MAJIN: variants seen among roughly 807,000 people sequenced by gnomAD.
MAJIN encodes membrane-anchored junction protein.
A neutral mutation model predicts 30.2 loss-of-function variants in MAJIN; 27 were observed. The ratio of observed to expected loss-of-function variants is 0.89; its 90% CI spans 0.66 to 1.23. MAJIN has a LOEUF of 1.23. Among genes scored for constraint, MAJIN ranks in the 50% most tolerant of loss-of-function variants. The probability of loss-of-function intolerance (pLI) is 0.00; values close to 1 mark genes in which losing one functional copy is unlikely to be tolerated. For synonymous variants in MAJIN, 78 were observed against 91.6 expected, an observed-to-expected ratio of 0.85 and a Z score of 0.85; for missense variants, 253 against 260.3, an observed-to-expected ratio of 0.97 and a Z score of 0.19.
intron 2 of MAJIN, among the ~76,000 whole-genome samples, chr11:64,959,818 CAG>C (rs1945695422): frequency 6.6e-6 from 1 of 152,196 alleles, no homozygotes; most frequent in African/African-American, 2.4e-5. Flanking sequence ...TCAGTGGATA[CAG>C]AGAGGGCTCA....
At chr11:64,938,643 G>A (rs1007174695) in intron 10 of MAJIN, 70 bp from the exon 11 acceptor site, 11 of 1,482,686 alleles carry the variant, frequency 7.4e-6, no homozygotes, top group South Asian at 7.2e-5. Flanking sequence ...TTTCCCATTA[G>A]TGCTTCACTA....
intron 8 of MAJIN, among the ~76,000 whole-genome samples, chr11:64,941,853 A>C (rs117960951): frequency 3.4e-3 from 518 of 152,306 alleles, no homozygotes; most frequent in Non-Finnish European, 5.9e-3. Context: ...CAGTCACAGC[A>C]GGGCATTCCA....
chr11:64,938,775 G>T (rs1945326858), intron 10 of MAJIN, among the ~76,000 whole-genome samples: 1 of 152,178 alleles, frequency 6.6e-6, no homozygotes, highest in African/African-American at 2.4e-5. Flanking sequence ...ATTGCAATGG[G>T]ATGGCAGAGA....
At chr11:64,942,995 C>T (rs1034141230) in intron 8 of MAJIN, among the ~76,000 whole-genome samples, 1 of 152,096 alleles carries the variant, frequency 6.6e-6, no homozygotes, top group African/African-American at 2.4e-5. Context: ...GACACTGTAG[C>T]CTTTTTGTGA....
intron 8 of MAJIN, 77 bp from the exon 9 acceptor site, chr11:64,940,723 G>T: frequency 7.5e-7 from 1 of 1,341,050 alleles, no homozygotes; most frequent in South Asian, 1.2e-5. Flanking sequence ...ATTTGCTGGT[G>T]AACTGATTTC....
chr11:64,967,178 C>T (rs1945825126), intron 1 of MAJIN, among the ~76,000 whole-genome samples: 1 of 151,926 alleles, frequency 6.6e-6, no homozygotes, highest in South Asian at 2.1e-4. Flanking sequence ...GAGGCTGAGT[C>T]GGGCAGATCA....
rs1349906502 is a variant in MAJIN at position 64,949,723 on chromosome 11, A to G, written c.349+20T>C. On this transcript the variant is annotated intron_variant, in intron 6 of 10. Coordinates refer to ENST00000301896, the MANE Select transcript of MAJIN (RefSeq NM_001037225.3). ...AACCATTTTCTTCTCTGCCATCCAC[A>G]TTCACATCATTCCACTTACCAGGTG... is the stretch of plus-strand genomic sequence containing the variant. 1.2e-6 allele frequency: 2 copies of G among 1,611,422 alleles called. No homozygotes were observed. The highest frequency in any genetic ancestry group is 1.7e-5 in the Admixed American group (1 of 59,976).
intron 1 of MAJIN, among the ~76,000 whole-genome samples, chr11:64,963,763 G>A (rs868272062): frequency 1.8e-4 from 28 of 152,004 alleles, no homozygotes; most frequent in Non-Finnish European, 4.4e-5. Context: ...GCTTGAACCC[G>A]GGGAGGTGGA....
intron 1 of MAJIN, among the ~76,000 whole-genome samples, chr11:64,970,383 T>C (rs1263822194): frequency 2.3e-4 from 33 of 140,530 alleles, no homozygotes; most frequent in Admixed American, 4.9e-4. Flanking sequence ...TTTTTTTTTT[T>C]TGAGACGGAG....
rs1328639384 is a variant in MAJIN at position 64,947,825 on chromosome 11, A to G, written c.350-6T>C. On this transcript the variant is annotated splice_polypyrimidine_tract_variant and splice_region_variant and intron_variant, in intron 6 of 10. Coordinates refer to ENST00000301896, the MANE Select transcript of MAJIN (RefSeq NM_001037225.3). ...ACTGTCACTTATTGGTTTCCCTACA[A>G]TAGGAAATTTGAGTGTCATAATAGA... 1.2e-6 allele frequency: 2 copies of G among 1,608,472 alleles called. No individual in the cohort carries two copies. Among genetic ancestry groups the G allele is most frequent in the African/African-American group, 1.3e-5 (1 of 74,716 alleles).
chr11:64,957,853 T>C (rs1055038882), intron 3 of MAJIN, among the ~76,000 whole-genome samples: 3 of 152,172 alleles, frequency 2.0e-5, no homozygotes, highest in Non-Finnish European at 2.9e-5. Context: ...TGAGCCATCT[T>C]GCCTGGCTCA....
intron 2 of MAJIN, among the ~76,000 whole-genome samples, chr11:64,959,728 A>C (rs1015766710): frequency 6.6e-6 from 1 of 152,210 alleles, no homozygotes. Context: ...GATGACTCAG[A>C]GTCTTTGTTA....
chr11:64,940,869 C>T (rs548209614), intron 8 of MAJIN, among the ~76,000 whole-genome samples: 4 of 105,574 alleles, frequency 3.8e-5, no homozygotes, highest in East Asian at 3.3e-4. Context: ...GACTGAATCT[C>T]GCTCTGTCAC....
At chr11:64,950,120 A>C (rs554679554) in intron 5 of MAJIN, among the ~76,000 whole-genome samples, 1 of 152,258 alleles carries the variant, frequency 6.6e-6, no homozygotes, top group South Asian at 2.1e-4. Context: ...ACCTGAGGTC[A>C]GGAGTTCAAG....
chr11:64,948,379 C>A (rs759443626), intron 6 of MAJIN, among the ~76,000 whole-genome samples: 2 of 151,464 alleles, frequency 1.3e-5, no homozygotes, highest in African/African-American at 4.9e-5. Context: ...CTTCAGCTAC[C>A]TGTGACAAAT....
intron 8 of MAJIN, among the ~76,000 whole-genome samples, chr11:64,945,013 T>C (rs1407643327): frequency 6.6e-6 from 1 of 152,108 alleles, no homozygotes; most frequent in Non-Finnish European, 1.5e-5. Context: ...GCTCTAGAAG[T>C]TTTCTCTTAC....
chr11:64,968,831 C>CAAA (rs35240492), intron 1 of MAJIN, among the ~76,000 whole-genome samples: 4 of 108,640 alleles, frequency 3.7e-5, no homozygotes, highest in African/African-American at 1.3e-4. Flanking sequence ...GACTCTGTCT[C>CAAA]AAAAAAAAAA....
intron 2 of MAJIN, among the ~76,000 whole-genome samples, chr11:64,959,637 C>G (rs947216333): frequency 6.6e-6 from 1 of 152,150 alleles, no homozygotes; most frequent in African/African-American, 2.4e-5. Flanking sequence ...CAGTCAAAAG[C>G]CCAGAATTCA....
At chr11:64,958,123 G>A (rs537707422) in intron 3 of MAJIN, among the ~76,000 whole-genome samples, 1 of 150,814 alleles carries the variant, frequency 6.6e-6, no homozygotes, top group East Asian at 2.0e-4. Context: ...TTTTATTTTT[G>A]GTAGAGACGG....
Sources: allele counts gnomAD v4.1 joint callset (sites outside exome capture counted in the v4.1 genomes callset), GRCh38; gene constraint gnomAD v4.1.1; transcripts MANE v1.5; gene names NCBI Gene and HGNC (gene_info 2026-07-23, HGNC 2026-07-21).